The following CDH2 variants were observed in gnomAD, a reference collection of about 807,000 sequenced individuals.
CDH2 encodes cadherin 2, also known as cadherin-2.
CDH2 carries 17 observed loss-of-function variants against 92.0 expected under a neutral mutation model. The observed-to-expected ratio is 0.18, with a 90% CI of 0.13 to 0.28. CDH2 has a LOEUF of 0.28. CDH2 is among the 10% of genes least tolerant of loss of function. The pLI is 1.00. For missense variants in CDH2, 862 were observed against 1,133.1 expected (o/e 0.76, Z 3.44); for synonymous variants, 419 against 415.9 (o/e 1.01, Z -0.09).
intron 2 of CDH2, among the ~76,000 whole-genome samples, chr18:28,129,597 G>A (rs2015732586): frequency 6.6e-6 from 1 of 152,200 alleles, no homozygotes; most frequent in African/African-American, 2.4e-5. Flanking sequence ...GCAGGCCAAG[G>A]TGGGAGGATT....
Position 28,009,754 on chromosome 18 carries a change from G to C in CDH2, c.665C>G (p.Thr222Arg). The change falls in exon 5 of 16, where the codon ACA becomes AGA. Residue 222 changes from threonine (T) to arginine (R), a missense_variant. By Grantham distance (71) the Thr-to-Arg change is moderately conservative. Around this residue, in one of 5 missense-constraint regions of CDH2, gnomAD observed 564 missense variants for 722.2 expected, o/e 0.78. Coordinates refer to ENST00000269141, the MANE Select transcript of CDH2 (RefSeq NM_001792.5). ...INPISGQLSV[T>R]KPLDREQIAR... ...TATCTGCTCGCGATCCAGGGGCTTT[G>C]TCACCGACAGCTGACCCGAGATGGG... 1 of 1,613,972 alleles carries C rather than the reference G, an allele frequency of 6.2e-7. No individual in the cohort carries two copies. Among genetic ancestry groups the C allele is most frequent in the Non-Finnish European group, 8.5e-7 (1 of 1,179,978 alleles).
chr18:28,063,932 A>G lies in CDH2; in HGVS notation c.173-50023T>C, dbSNP rs2014455069. ...TCAAAAATCACCAGCAGCACAGTAT[A>G]TTGCAAATAATAACCAGCCCCAATT... is the stretch of plus-strand genomic sequence containing the variant. On this transcript the variant is annotated intron_variant, in intron 2 of 15. Coordinates refer to ENST00000269141, the MANE Select transcript of CDH2 (RefSeq NM_001792.5). 3.9e-5 allele frequency among the ~76,000 whole-genome samples: 6 copies of G among 152,338 alleles called. No homozygotes were observed. In the South Asian group the frequency reaches 1.2e-3, roughly 32 times the overall value.
chr18:27,968,866 C>T lies in CDH2; in HGVS notation c.2350-5345G>A, dbSNP rs370387198. Among the ~76,000 whole-genome samples, 15 of 152,146 alleles carry T rather than the reference C, an allele frequency of 9.9e-5. No homozygotes were observed. The East Asian group carries it at 2.1e-3, about 22-fold the overall frequency. On this transcript the variant is annotated intron_variant, in intron 14 of 15. Transcript: ENST00000269141. ...AAAATATCTGGAAAAAAGCTGACTG[C>T]GGCACAGGCAAGAAACTTCAGACAC...
chr18:28,037,197 T>C (rs2013850476), intron 2 of CDH2, among the ~76,000 whole-genome samples: 1 of 152,076 alleles, frequency 6.6e-6, no homozygotes, highest in Non-Finnish European at 1.5e-5. Flanking sequence ...CAAAATCTCA[T>C]AAATAAAGAA....
At chr18:28,077,980 C>A (rs2014757165) in intron 2 of CDH2, among the ~76,000 whole-genome samples, 1 of 150,350 alleles carries the variant, frequency 6.7e-6, no homozygotes, top group East Asian at 2.0e-4. Context: ...GATACCAAAT[C>A]GAATCTGTGG....
intron 2 of CDH2, among the ~76,000 whole-genome samples, chr18:28,053,274 TTAGA>T (rs1295568572): frequency 2.0e-5 from 3 of 152,222 alleles, no homozygotes; most frequent in African/African-American, 7.2e-5. Flanking sequence ...CACTGACTTC[TTAGA>T]TAACCAGGCA....
intron 2 of CDH2, among the ~76,000 whole-genome samples, chr18:28,095,465 A>G (rs2015115170): frequency 6.6e-6 from 1 of 152,104 alleles, no homozygotes; most frequent in Non-Finnish European, 1.5e-5. Flanking sequence ...AAAGAATCTA[A>G]CTACAGGGTT....
At chr18:27,988,841 A>G (rs1173838992) in intron 10 of CDH2, among the ~76,000 whole-genome samples, 175 bp from the exon 11 acceptor site, 1 of 152,198 alleles carries the variant, frequency 6.6e-6, no homozygotes, top group African/African-American at 2.4e-5. Flanking sequence ...GGAGGCACAT[A>G]AAGGTTGTGT....
chr18:28,083,399 A>C (rs2014867358), intron 2 of CDH2, among the ~76,000 whole-genome samples: 1 of 152,074 alleles, frequency 6.6e-6, no homozygotes, highest in Non-Finnish European at 1.5e-5. Context: ...AAAAACCTGG[A>C]CCACACTGGA....
chr18:28,057,625 C>T (rs1177846668), intron 2 of CDH2, among the ~76,000 whole-genome samples: 2 of 151,460 alleles, frequency 1.3e-5, no homozygotes, highest in African/African-American at 4.9e-5. Context: ...CAAGATCATG[C>T]TGCCGCACTG....
chr18:28,084,237 A>G (rs1232321887), intron 2 of CDH2, among the ~76,000 whole-genome samples: 1 of 152,178 alleles, frequency 6.6e-6, no homozygotes. Flanking sequence ...CGCAAGCAAT[A>G]CTGAGGAAAA....
chr18:28,060,903 C>T (rs1229595525), intron 2 of CDH2, among the ~76,000 whole-genome samples: 2 of 152,122 alleles, frequency 1.3e-5, no homozygotes, highest in African/African-American at 4.8e-5. Context: ...TCAACAAAAT[C>T]AGCATTTTAA....
intron 2 of CDH2, among the ~76,000 whole-genome samples, chr18:28,137,126 G>A (rs1369397887): frequency 2.0e-5 from 3 of 152,134 alleles, no homozygotes; most frequent in African/African-American, 7.2e-5. Flanking sequence ...AAAATCTGAT[G>A]AGTCCATATG....
rs17535692 is a variant in CDH2 at position 28,056,041 on chromosome 18, C to T, written c.173-42132G>A. Among the ~76,000 whole-genome samples, 730 of 150,970 alleles carry T rather than the reference C, an allele frequency of 4.8e-3. 1 individual carries two copies. Among genetic ancestry groups the T allele is most frequent in the Non-Finnish European group, 6.6e-3 (445 of 67,806 alleles). On this transcript the variant is annotated intron_variant, in intron 2 of 15. Coordinates refer to ENST00000269141, the MANE Select transcript of CDH2 (RefSeq NM_001792.5). ...ACTCCATATTCGGGGAAAGTAAACACGTTTTTGGTAAGTGAAGCTATGAGG... is the reference window on the plus strand; with the variant it reads ...ACTCCATATTCGGGGAAAGTAAACATGTTTTTGGTAAGTGAAGCTATGAGG...
intron 6 of CDH2, among the ~76,000 whole-genome samples, chr18:28,005,544 G>A (rs923806758): frequency 3.9e-5 from 6 of 152,272 alleles, no homozygotes; most frequent in African/African-American, 1.4e-4. Context: ...AGATGCATTG[G>A]CTGTATCAAC....
chr18:28,013,605 GAAGCA>G, intron 3 of CDH2, 73 bp downstream of exon 3: 2 of 1,020,560 alleles, frequency 2.0e-6, no homozygotes, highest in Non-Finnish European at 3.1e-6. Flanking sequence ...AATGTGGTCT[GAAGCA>G]AAGCATATAT....
At chr18:27,984,885 G>T in intron 13 of CDH2, 115 bp downstream of exon 13, 1 of 732,430 alleles carries the variant, frequency 1.4e-6, no homozygotes, top group Non-Finnish European at 2.3e-6. Context: ...GCGAGGAAAT[G>T]CTGAAAGGTC....
chr18:28,145,257 C>T (rs573315408), intron 2 of CDH2, among the ~76,000 whole-genome samples: 5 of 151,990 alleles, frequency 3.3e-5, no homozygotes, highest in Admixed American at 6.6e-5. Context: ...TTAGGAGTTA[C>T]GATTCCAACA....
rs2013408600 is a variant in CDH2 at position 28,021,472 on chromosome 18, T to A, written c.173-7563A>T. Among the ~76,000 whole-genome samples, 3 of 151,934 alleles carry A rather than the reference T, an allele frequency of 2.0e-5. No homozygotes were observed. The South Asian group carries it at 6.2e-4, about 31-fold the overall frequency. ...TAAATGATTATGGCAAAAAAAATCA[T>A]ACTATTAAACAACAAATTTATTATT... On this transcript the variant is annotated intron_variant, in intron 2 of 15. Coordinates refer to ENST00000269141, the MANE Select transcript of CDH2 (RefSeq NM_001792.5).
Sources: gnomAD v4.1 joint callset for allele counts (sites outside exome capture counted in the v4.1 genomes callset) on GRCh38, gnomAD v4.1.1 for gene constraint, gnomAD v4.1.1 regional missense constraint, MANE v1.5 for transcripts, NCBI Gene and HGNC (gene_info 2026-07-23, HGNC 2026-07-21) for gene names.